Variants in KCTD16 observed in about 807,000 individuals in gnomAD.
KCTD16 encodes potassium channel tetramerization domain containing 16.
A neutral mutation model predicts 33.2 loss-of-function variants in KCTD16; 13 were observed. The observed-to-expected ratio is 0.39, with a 90% CI of 0.25 to 0.62. The LOEUF is 0.62. KCTD16 is among the 20% of genes least tolerant of loss of function. KCTD16 has a pLI of 0.50. For synonymous variants in KCTD16, 197 were observed against 195.3 expected (o/e 1.01, Z -0.07); for missense variants, 441 against 525.1 (o/e 0.84, Z 1.57).
chr5:144,353,528 G>C (rs1427936736), intron 3 of KCTD16, among the ~76,000 whole-genome samples: 1 of 151,998 alleles, frequency 6.6e-6, no homozygotes, highest in Non-Finnish European at 1.5e-5. Context: ...TTTATTTTAT[G>C]TCATTATTGT....
intron 3 of KCTD16, among the ~76,000 whole-genome samples, chr5:144,234,596 G>C (rs1346264320): frequency 6.6e-6 from 1 of 152,022 alleles, no homozygotes; most frequent in African/African-American, 2.4e-5. Context: ...CTACTTGTCA[G>C]CTTTATGAGG....
intron 3 of KCTD16, among the ~76,000 whole-genome samples, chr5:144,461,882 T>G (rs1385608368): frequency 6.6e-6 from 1 of 152,228 alleles, no homozygotes; most frequent in African/African-American, 2.4e-5. Context: ...CACCTTTATT[T>G]AATTATCACT....
At chr5:144,297,785 C>T (rs114272671) in intron 3 of KCTD16, among the ~76,000 whole-genome samples, 3,665 of 152,262 alleles carry the variant, frequency 0.024, 121 homozygotes, top group Admixed American at 0.1. Flanking sequence ...GAGAGCACAG[C>T]GGGAGGGACA....
At chr5:144,222,115 G>T (rs1313520143) in intron 3 of KCTD16, among the ~76,000 whole-genome samples, 1 of 151,812 alleles carries the variant, frequency 6.6e-6, no homozygotes, top group Non-Finnish European at 1.5e-5. Context: ...GGGGTTGTTT[G>T]TTTTTTTCTT....
At chr5:144,360,193 T>C (rs977051017) in intron 3 of KCTD16, among the ~76,000 whole-genome samples, 5 of 152,090 alleles carry the variant, frequency 3.3e-5, no homozygotes, top group African/African-American at 1.2e-4. Context: ...GCTGCACCCA[T>C]CAACCCATCA....
intron 3 of KCTD16, among the ~76,000 whole-genome samples, chr5:144,262,903 T>G (rs552443477): frequency 5.8e-4 from 88 of 152,328 alleles, no homozygotes; most frequent in African/African-American, 1.9e-3. Context: ...CATACTCACC[T>G]TAGTATTTCC....
At chr5:144,246,796 T>C (rs1754561401) in intron 3 of KCTD16, among the ~76,000 whole-genome samples, 1 of 152,124 alleles carries the variant, frequency 6.6e-6, no homozygotes, top group Non-Finnish European at 1.5e-5. Context: ...GTCTCCCCTT[T>C]TCAGGCCCTC....
intron 3 of KCTD16, among the ~76,000 whole-genome samples, chr5:144,278,638 C>T (rs1031371013): frequency 2.0e-5 from 3 of 151,640 alleles, no homozygotes; most frequent in Non-Finnish European, 4.4e-5. Flanking sequence ...GCTGGGACTA[C>T]AGGCGCCCGC....
At chr5:144,331,340 C>T (rs1461269617) in intron 3 of KCTD16, among the ~76,000 whole-genome samples, 2 of 152,180 alleles carry the variant, frequency 1.3e-5, no homozygotes, top group African/African-American at 2.4e-5. Context: ...CTGGCCATTT[C>T]AGTAACACAT....
intron 3 of KCTD16, among the ~76,000 whole-genome samples, chr5:144,232,600 T>A (rs1223183141): frequency 6.6e-6 from 1 of 152,182 alleles, no homozygotes; most frequent in African/African-American, 2.4e-5. Flanking sequence ...TAAACATCTT[T>A]CAATGAACTG....
chr5:144,271,360 C>T (rs1755289520), intron 3 of KCTD16, among the ~76,000 whole-genome samples: 3 of 151,894 alleles, frequency 2.0e-5, no homozygotes, highest in Admixed American at 2.0e-4. Flanking sequence ...ATATGAAAAT[C>T]AATCAATGTC....
intron 3 of KCTD16, among the ~76,000 whole-genome samples, chr5:144,342,261 T>G (rs1298892936): frequency 6.6e-6 from 1 of 152,154 alleles, no homozygotes; most frequent in Non-Finnish European, 1.5e-5. Context: ...TGAACAGTGG[T>G]TTGTAGTTCT....
At chr5:144,443,348 C>A (rs912024763) in intron 3 of KCTD16, among the ~76,000 whole-genome samples, 7 of 151,946 alleles carry the variant, frequency 4.6e-5, no homozygotes, top group African/African-American at 1.7e-4. Context: ...TTGGTGTATG[C>A]AATTATGATA....
In KCTD16 at chr5:144,452,498, G is replaced by A. The variant is rs11956551; in HGVS notation, c.833-21162G>A. On this transcript the variant is annotated intron_variant, in intron 3 of 3. Transcript: ENST00000512467. Reference sequence around the variant, plus strand: ...GTGGATTGGGGGGAGCAAGAGACAGGTGAGAGGGGAAAGAGAGAAATAGGG... The same window carrying A: ...GTGGATTGGGGGGAGCAAGAGACAGATGAGAGGGGAAAGAGAGAAATAGGG... Among the ~76,000 whole-genome samples the A allele has an allele frequency of 5.5e-3, 834 of 151,982 alleles. 4 individuals are homozygous for A. Among genetic ancestry groups the A allele is most frequent in the Non-Finnish European group, 9.4e-3 (636 of 67,974 alleles).
chr5:144,281,776 A>G (rs935824969), intron 3 of KCTD16, among the ~76,000 whole-genome samples: 1 of 152,188 alleles, frequency 6.6e-6, no homozygotes, highest in Non-Finnish European at 1.5e-5. Flanking sequence ...TTACTGAGAG[A>G]TAAGTGTTAA....
intron 2 of KCTD16, among the ~76,000 whole-genome samples, chr5:144,185,281 T>C (rs761509161): frequency 2.6e-5 from 4 of 152,150 alleles, no homozygotes; most frequent in Non-Finnish European, 5.9e-5. Flanking sequence ...ACCTACATCT[T>C]TGTTATTGGA....
At chr5:144,466,442 A>G (rs1754334490) in intron 3 of KCTD16, among the ~76,000 whole-genome samples, 1 of 151,976 alleles carries the variant, frequency 6.6e-6, no homozygotes, top group South Asian at 2.1e-4. Flanking sequence ...GTTAAATTTT[A>G]TATATAAATA....
intron 3 of KCTD16, among the ~76,000 whole-genome samples, chr5:144,341,067 A>C (rs1236666217): frequency 6.6e-6 from 1 of 152,116 alleles, no homozygotes; most frequent in Non-Finnish European, 1.5e-5. Context: ...CAAAAAAACA[A>C]AAAACAAAAA....
intron 3 of KCTD16, among the ~76,000 whole-genome samples, chr5:144,309,776 T>C (rs1439025938): frequency 6.6e-6 from 1 of 152,088 alleles, no homozygotes; most frequent in South Asian, 2.1e-4. Flanking sequence ...ATGGACCATT[T>C]TGGGACATTA....
Sources: allele counts gnomAD v4.1 joint callset (sites outside exome capture counted in the v4.1 genomes callset), GRCh38; gene constraint gnomAD v4.1.1; transcripts MANE v1.5; gene names NCBI Gene and HGNC (gene_info 2026-07-23, HGNC 2026-07-21).